Variants in R3HCC1L observed in about 807,000 individuals in gnomAD.
R3HCC1L encodes R3H domain and coiled-coil containing 1 like.
R3HCC1L carries 51 observed loss-of-function variants against 59.9 expected under a neutral mutation model. The observed-to-expected ratio is 0.85, with a 90% CI of 0.68 to 1.07. The LOEUF is 1.07. Among genes scored for constraint, R3HCC1L ranks in the 50% least tolerant of loss-of-function variants. The pLI, the probability that R3HCC1L is intolerant of heterozygous loss-of-function variation, is 0.00. For synonymous variants in R3HCC1L, 322 were observed against 315.2 expected, an observed-to-expected ratio of 1.02 and a Z score of -0.23; for missense variants, 965 against 933.0, an observed-to-expected ratio of 1.03 and a Z score of -0.45.
At chr10:98,215,226 T>C (rs1038129720) in intron 5 of R3HCC1L, among the ~76,000 whole-genome samples, 6 of 152,218 alleles carry the variant, frequency 3.9e-5, no homozygotes, top group Non-Finnish European at 8.8e-5. Flanking sequence ...ATGAGACTTA[T>C]TTATTCTCAG....
intron 5 of R3HCC1L, among the ~76,000 whole-genome samples, chr10:98,223,935 G>A (rs1453118306): frequency 6.6e-6 from 1 of 152,120 alleles, no homozygotes; most frequent in East Asian, 1.9e-4. Context: ...TTTTGGTGAT[G>A]GTAGGAGCAG....
At chr10:98,240,829 T>C (rs868112160) in intron 9 of R3HCC1L, among the ~76,000 whole-genome samples, 6 of 152,006 alleles carry the variant, frequency 3.9e-5, no homozygotes, top group Non-Finnish European at 7.4e-5. Context: ...AATGTGACTT[T>C]TTTTCTGTGA....
chr10:98,224,539 C>T (rs949517906), intron 5 of R3HCC1L, among the ~76,000 whole-genome samples: 4 of 151,978 alleles, frequency 2.6e-5, no homozygotes, highest in African/African-American at 9.7e-5. Flanking sequence ...CCCTTTATTT[C>T]GGGAAGTTAA....
chr10:98,231,052 G>GT, intron 5 of R3HCC1L: 3 of 421,112 alleles, frequency 7.1e-6, no homozygotes, highest in South Asian at 3.5e-5. Flanking sequence ...AAGTAAAAAA[G>GT]TTTTTTTGAA....
chr10:98,192,417 A>G (rs999876733), intron 4 of R3HCC1L, among the ~76,000 whole-genome samples: 2 of 152,196 alleles, frequency 1.3e-5, no homozygotes, highest in African/African-American at 2.4e-5. Flanking sequence ...AGCTAGGCTA[A>G]GGAAAAAGAG....
chr10:98,149,102 A>G (rs887794361), intron 1 of R3HCC1L, among the ~76,000 whole-genome samples: 4 of 152,080 alleles, frequency 2.6e-5, no homozygotes, highest in Non-Finnish European at 5.9e-5. Context: ...GATAGGTTGT[A>G]TGTGTCCAGG....
chr10:98,227,522 AG>A (rs1485950036), intron 5 of R3HCC1L, among the ~76,000 whole-genome samples: 2 of 151,868 alleles, frequency 1.3e-5, no homozygotes, highest in African/African-American at 2.4e-5. Flanking sequence ...AGAGAGAGAG[AG>A]AGAGAAAAAT....
intron 1 of R3HCC1L, among the ~76,000 whole-genome samples, chr10:98,144,061 TG>T (rs1845427053): frequency 6.6e-6 from 1 of 152,124 alleles, no homozygotes; most frequent in African/African-American, 2.4e-5. Flanking sequence ...CCCAGCATTT[TG>T]TGGGGGGTCC....
chr10:98,141,250 G>A (rs1309072805), intron 1 of R3HCC1L, among the ~76,000 whole-genome samples: 4 of 152,104 alleles, frequency 2.6e-5, no homozygotes, highest in Non-Finnish European at 4.4e-5. Flanking sequence ...TCATCTTTGT[G>A]TCTTAGGAAT....
At chr10:98,144,459 C>T (rs564858187) in intron 1 of R3HCC1L, among the ~76,000 whole-genome samples, 4 of 152,050 alleles carry the variant, frequency 2.6e-5, no homozygotes, top group Admixed American at 6.6e-5. Context: ...TGTGATCTGC[C>T]CACCTCCGCC....
At position 98,208,764 on chromosome 10, in the gene R3HCC1L, T is replaced by A; in HGVS notation, c.650T>A (p.Leu217Gln). 1 of 1,614,114 alleles carries A rather than the reference T, an allele frequency of 6.2e-7. No homozygotes were observed. ...ACTGATACCAAGGTTTTGGAGATAC[T>A]ATATGAGTTTCCTAGAGTTTTTAGT... ...IETDTKVLEI[L>Q]YEFPRVFSSV... The change falls in exon 5 of 10, where the codon CTA becomes CAA. Residue 217 changes from leucine (L) to glutamine (Q), a missense_variant. Coordinates refer to ENST00000298999, the MANE Select transcript of R3HCC1L (RefSeq NM_001351015.2).
At chr10:98,200,922 T>A (rs570478895) in intron 4 of R3HCC1L, among the ~76,000 whole-genome samples, 2 of 152,312 alleles carry the variant, frequency 1.3e-5, no homozygotes, top group African/African-American at 4.8e-5. Context: ...CACCCAGCCT[T>A]ATTTTATAAA....
chr10:98,163,841 CAG>C (rs1447373532), intron 4 of R3HCC1L, among the ~76,000 whole-genome samples: 2 of 152,090 alleles, frequency 1.3e-5, no homozygotes, highest in African/African-American at 4.8e-5. Context: ...TATTATAAAA[CAG>C]AATGAATAAT....
intron 4 of R3HCC1L, among the ~76,000 whole-genome samples, chr10:98,171,509 G>A (rs974100941): frequency 2.0e-5 from 3 of 152,118 alleles, no homozygotes; most frequent in Admixed American, 6.5e-5. Context: ...CTGCTCCACC[G>A]TGGCATTTTT....
chr10:98,157,936 A>T (rs927632207), intron 2 of R3HCC1L, among the ~76,000 whole-genome samples: 11 of 152,234 alleles, frequency 7.2e-5, no homozygotes, highest in Non-Finnish European at 1.0e-4. Context: ...AAATGCAGTA[A>T]CTAAGCATAG....
chr10:98,142,899 C>G (rs1338745190), intron 1 of R3HCC1L, among the ~76,000 whole-genome samples: 1 of 151,956 alleles, frequency 6.6e-6, no homozygotes, highest in African/African-American at 2.4e-5. Context: ...TATGCCACTG[C>G]ACTCTGGCCT....
chr10:98,204,054 C>A (rs1201319606), intron 4 of R3HCC1L, among the ~76,000 whole-genome samples: 1 of 152,200 alleles, frequency 6.6e-6, no homozygotes, highest in South Asian at 2.1e-4. Context: ...AGTTAAGAAG[C>A]AAATTAGATG....
At chr10:98,182,302 G>A (rs1163991154) in intron 4 of R3HCC1L, among the ~76,000 whole-genome samples, 2 of 152,180 alleles carry the variant, frequency 1.3e-5, no homozygotes, top group Admixed American at 6.5e-5. Flanking sequence ...GGAATTTGCT[G>A]GAGGTTCGCT....
At chr10:98,202,444 A>T (rs1312309077) in intron 4 of R3HCC1L, among the ~76,000 whole-genome samples, 2 of 152,196 alleles carry the variant, frequency 1.3e-5, no homozygotes, top group Non-Finnish European at 2.9e-5. Flanking sequence ...GTGCCTCAAG[A>T]TGTGATGCCC....
Sources: gnomAD v4.1 joint callset for allele counts (sites outside exome capture counted in the v4.1 genomes callset) on GRCh38, gnomAD v4.1.1 for gene constraint, MANE v1.5 for transcripts, NCBI Gene and HGNC (gene_info 2026-07-23, HGNC 2026-07-21) for gene names.